EXD1: variants seen among roughly 807,000 people sequenced by gnomAD.
EXD1 encodes the protein piRNA biogenesis protein EXD1.
Under a neutral mutation model 49.1 loss-of-function variants are expected in EXD1, and 63 were observed. That is an observed-to-expected ratio of 1.28 (90% CI 1.05 to 1.58). The LOEUF (loss-of-function observed/expected upper bound fraction) is 1.58. Ranked by LOEUF, EXD1 falls within the 40% of genes most tolerant of loss-of-function variation. The pLI, the probability that EXD1 is intolerant of heterozygous loss-of-function variation, is 0.00. For missense variants in EXD1, 748 were observed against 666.0 expected (o/e 1.12, Z -1.36); for synonymous variants, 234 against 239.2 (o/e 0.98, Z 0.20).
chr15:41,189,941 G>T lies in EXD1; in HGVS notation c.1052C>A (p.Thr351Asn). The change falls in exon 11 of 12, where the codon ACT becomes AAT. Residue 351 changes from threonine to asparagine, a missense_variant. Physicochemically the swap from Thr to Asn is moderately conservative, Grantham distance 65 (BLOSUM62 0). Transcript: ENST00000458580. ...REGSADRLGG[T>N]EPTCMELPEE... ...AAGACAGAGAGCTGCACCTACCTCA[G>T]TGCCTCCAAGCCGGTCTGCAGACCC... 1 of 1,613,720 alleles carries T rather than the reference G, an allele frequency of 6.2e-7. No homozygotes were observed. Among genetic ancestry groups the T allele is most frequent in the African/African-American group, 1.3e-5 (1 of 75,008 alleles).
In EXD1 at chr15:41,216,905, G is replaced by A. The variant is rs1261624196; in HGVS notation, c.261-110C>T. The A allele has an allele frequency of 8.7e-6, 13 of 1,502,550 alleles. No homozygotes were observed. The East Asian group carries it at 2.5e-4, about 29-fold the overall frequency. 93.1% of individuals were successfully genotyped at this position (1,502,550 alleles called of 1,614,324 possible). ...GGACAGTGGTCCTTCATTAACTAGA[G>A]GACCCATTCATCCACTGCTTACATT... is the stretch of plus-strand genomic sequence containing the variant. On this transcript the variant is annotated intron_variant, in intron 4 of 11. Coordinates refer to ENST00000458580, the MANE Select transcript of EXD1 (RefSeq NM_001286441.2).
rs534151735 is a variant in EXD1, at chr15:41,183,666, C to A, written c.*265G>T. The A allele has an allele frequency of 3.2e-6, 1 of 316,082 alleles. No homozygotes were observed. The highest frequency in any genetic ancestry group is 4.6e-5 in the Admixed American group (1 of 21,872). The allele number at this position is 316,082 out of a possible 1,614,324, so 19.6% of individuals were successfully genotyped here. A position where few individuals can be genotyped will look rare whatever the true frequency, so the allele number is the denominator to read the frequency against. ...CTTCCTTTCTTCAAATCCTCTAAAC[C>A]CAAATTATGAAAAATAATGCACTCT... On this transcript the variant is annotated 3_prime_UTR_variant, in exon 12 of 12. Coordinates refer to ENST00000458580, the MANE Select transcript of EXD1 (RefSeq NM_001286441.2).
chr15:41,219,801 A>G lies in EXD1; in HGVS notation c.202+29T>C, dbSNP rs1002998729. The G allele has an allele frequency of 2.7e-5, 41 of 1,500,986 alleles. No individual in the cohort carries two copies. In the East Asian group the frequency reaches 9.6e-4, roughly 35 times the overall value. 93.0% of individuals were successfully genotyped at this position (1,500,986 alleles called of 1,614,324 possible). A position where few individuals can be genotyped will look rare whatever the true frequency, so the allele number is the denominator to read the frequency against. ...AATATTGGAATGAAATCTCAGTACTAGCATTTTCAAGGAACATGGGGGTCT... is the reference window on the plus strand; with the variant it reads ...AATATTGGAATGAAATCTCAGTACTGGCATTTTCAAGGAACATGGGGGTCT... On this transcript the variant is annotated intron_variant, in intron 3 of 11. Coordinates refer to ENST00000458580, the MANE Select transcript of EXD1 (RefSeq NM_001286441.2).
intron 2 of EXD1, among the ~76,000 whole-genome samples, chr15:41,220,978 G>T (rs893775526): frequency 1.3e-5 from 2 of 152,080 alleles, no homozygotes; most frequent in Non-Finnish European, 2.9e-5. Flanking sequence ...AAAGTACTGG[G>T]ATTACAGGTG....
Position 41,203,944 on chromosome 15 carries a change from A to AC in EXD1, c.534+5556dup, listed in dbSNP as rs1288854547. ...AAAAAAAAAAAAAAAAAAAAAAAAA[A>AC]CCCTAAAAATATTACTCTAGGCCAG... On this transcript the variant is annotated intron_variant, in intron 7 of 11. Coordinates refer to ENST00000458580, the MANE Select transcript of EXD1 (RefSeq NM_001286441.2). 2.4e-3 allele frequency among the ~76,000 whole-genome samples: 336 copies of AC among 139,930 alleles called. 10 individuals are homozygous for AC. The highest frequency in any genetic ancestry group is 8.8e-3 in the African/African-American group (326 of 36,938). The allele number at this position is 139,930 out of a possible 152,430, so 91.8% of individuals were successfully genotyped here.
chr15:41,211,070 T>C (rs2046914636), intron 6 of EXD1, among the ~76,000 whole-genome samples: 1 of 152,150 alleles, frequency 6.6e-6, no homozygotes, highest in Non-Finnish European at 1.5e-5. Context: ...TTTTGTTTTT[T>C]GTTTTGTTTT....
At chr15:41,229,253 G>A (rs530442477) in intron 1 of EXD1, among the ~76,000 whole-genome samples, 2 of 152,100 alleles carry the variant, frequency 1.3e-5, no homozygotes, top group East Asian at 3.9e-4. Context: ...CGAGGCGGGT[G>A]GATCACCTGA....
rs768906391 is a variant in EXD1, at chr15:41,209,595, G to C, written c.448-8C>G. On this transcript the variant is annotated splice_polypyrimidine_tract_variant and splice_region_variant and intron_variant, in intron 6 of 11. Transcript: ENST00000458580. ...CTTCTTGATATGGAGTATCTGGTAA[G>C]AAAAAGAAGGAAAGGAAAAACTTTC... 1.2e-6 allele frequency: 2 copies of C among 1,610,434 alleles called. No homozygotes were observed. The highest frequency in any genetic ancestry group is 2.2e-5 in the South Asian group (2 of 90,078).
intron 6 of EXD1, among the ~76,000 whole-genome samples, chr15:41,210,672 A>AAC (rs1194309599): frequency 6.6e-6 from 1 of 151,930 alleles, no homozygotes; most frequent in African/African-American, 2.4e-5. Context: ...TAAAAAAAAA[A>AAC]ACACAAAACA....
At chr15:41,230,448 C>A (rs577229293) in intron 1 of EXD1, 31 bp downstream of exon 1, 17 of 1,602,494 alleles carry the variant, frequency 1.1e-5, no homozygotes, top group Non-Finnish European at 1.5e-5. Context: ...ATTTTTAAGA[C>A]AAAATAAGGA....
chr15:41,199,753 A>AATATATCACATATG (rs1326775145), intron 7 of EXD1, among the ~76,000 whole-genome samples: 23 of 96,868 alleles, frequency 2.4e-4, no homozygotes, highest in South Asian at 3.3e-4. Flanking sequence ...TATATTATAT[A>AATATATCACATATG]TGATACATAT....
At chr15:41,210,656 C>T (rs954509726) in intron 6 of EXD1, among the ~76,000 whole-genome samples, 2 of 145,558 alleles carry the variant, frequency 1.4e-5, no homozygotes, top group Non-Finnish European at 3.0e-5. Context: ...TGCACTTCAG[C>T]CTGTGTAAAA....
chr15:41,200,458 G>T (rs2140853206), intron 7 of EXD1, among the ~76,000 whole-genome samples: 1 of 152,300 alleles, frequency 6.6e-6, no homozygotes, highest in African/African-American at 2.4e-5. Context: ...GGAAGGCAGA[G>T]GTTGCAGTGA....
At chr15:41,185,977 T>C (rs1467620609) in intron 11 of EXD1, among the ~76,000 whole-genome samples, 1 of 152,228 alleles carries the variant, frequency 6.6e-6, no homozygotes, top group African/African-American at 2.4e-5. Context: ...GTCATAATTC[T>C]GATTCCTTTT....
At chr15:41,192,853 T>C (rs2046548966) in intron 9 of EXD1, among the ~76,000 whole-genome samples, 1 of 144,686 alleles carries the variant, frequency 6.9e-6, no homozygotes, top group Non-Finnish European at 1.5e-5. Context: ...GGGAGTGCTG[T>C]GGCGCGATCT....
At chr15:41,207,946 G>A (rs1566986288) in intron 7 of EXD1, among the ~76,000 whole-genome samples, 1 of 151,288 alleles carries the variant, frequency 6.6e-6, no homozygotes. Flanking sequence ...GGGAGGCGGC[G>A]GTTGTAGTGA....
Position 41,209,577 on chromosome 15 carries a change from A to C in EXD1, c.458T>G (p.Ile153Ser). ...CACACTCAGGACATTCTGCTTCTTGATATGGAGTATCTGGTAAGAAAAAGA... is the reference window on the plus strand; with the variant it reads ...CACACTCAGGACATTCTGCTTCTTGCTATGGAGTATCTGGTAAGAAAAAGA... ...QQKFGAAILH[I>S]KKQNVLSVAA... The change falls in exon 7 of 12, where the codon ATC becomes AGC. Residue 153 changes from isoleucine (I) to serine (S), a missense_variant. Ile to Ser is a moderately radical substitution (Grantham distance 142). Transcript: ENST00000458580. The C allele has an allele frequency of 6.2e-7, 1 of 1,614,088 alleles. No homozygotes were observed. Among genetic ancestry groups the C allele is most frequent in the Non-Finnish European group, 8.5e-7 (1 of 1,179,992 alleles).
chr15:41,216,638 A>T (rs748418995), intron 5 of EXD1, 30 bp downstream of exon 5: 7 of 1,585,316 alleles, frequency 4.4e-6, no homozygotes, highest in African/African-American at 2.7e-5. Flanking sequence ...TCTCAAAAAA[A>T]AAAAGAAAAT....
At chr15:41,186,448 G>A (rs2046408535) in intron 11 of EXD1, among the ~76,000 whole-genome samples, 1 of 123,750 alleles carries the variant, frequency 8.1e-6, no homozygotes, top group African/African-American at 2.8e-5. Context: ...CTCCAGCCTG[G>A]GTGATGAGCA....
Sources: gnomAD v4.1 joint callset for allele counts (sites outside exome capture counted in the v4.1 genomes callset) on GRCh38, gnomAD v4.1.1 for gene constraint, MANE v1.5 for transcripts, NCBI Gene and HGNC (gene_info 2026-07-23, HGNC 2026-07-21) for gene names.